The following TRIM58 variants were observed in gnomAD, a reference collection of about 807,000 sequenced individuals.
TRIM58 encodes the protein E3 ubiquitin-protein ligase TRIM58.
TRIM58 carries 38 observed loss-of-function variants against 34.1 expected under a neutral mutation model. The observed-to-expected ratio is 1.12, with a 90% CI of 0.86 to 1.46. The LOEUF (loss-of-function observed/expected upper bound fraction) is 1.46, where lower values mean the gene tolerates loss of function less well. Ranked by LOEUF, TRIM58 falls within the 40% of genes most tolerant of loss-of-function variation. TRIM58 has a pLI of 0.00. For synonymous variants in TRIM58, 273 were observed against 275.7 expected, an observed-to-expected ratio of 0.99 and a Z score of 0.10; for missense variants, 677 against 642.0, an observed-to-expected ratio of 1.05 and a Z score of -0.59.
At position 247,864,135 on chromosome 1, in the gene TRIM58, T is replaced by C. The variant is rs560007158; in HGVS notation, c.517-570T>C. ...AATAGATATTTAGCTGTAATCCACA[T>C]ACTCCTCTTTTTCCCCACATTTTTT... On this transcript the variant is annotated intron_variant, in intron 2 of 5. Transcript: ENST00000366481. Among the ~76,000 whole-genome samples the C allele has an allele frequency of 2.0e-5, 3 of 152,230 alleles. No individual in the cohort carries two copies. In the South Asian group the frequency reaches 6.2e-4, roughly 32 times the overall value.
chr1:247,875,433 C>T (rs1659260014), intron 5 of TRIM58, among the ~76,000 whole-genome samples: 4 of 152,146 alleles, frequency 2.6e-5, no homozygotes, highest in South Asian at 4.2e-4. Flanking sequence ...GAGGCAGACA[C>T]GGGAGGATTG....
Position 247,857,235 on chromosome 1 carries a change from G to A in TRIM58, c.-12G>A, listed in dbSNP as rs1205831285. 1 of 1,312,358 alleles carries A rather than the reference G, an allele frequency of 7.6e-7. No homozygotes were observed. Among genetic ancestry groups the A allele is most frequent in the Non-Finnish European group, 9.8e-7 (1 of 1,024,240 alleles). 81.3% of individuals were successfully genotyped at this position (1,312,358 alleles called of 1,614,324 possible). ...CGGGCGGCCGGGAGCGCAGCCCTCCGGGAGGCGGGTCATGGCCTGGGCGCC... is the reference window on the plus strand; with the variant it reads ...CGGGCGGCCGGGAGCGCAGCCCTCCAGGAGGCGGGTCATGGCCTGGGCGCC... On this transcript the variant is annotated 5_prime_UTR_variant, in exon 1 of 6. Transcript: ENST00000366481.
chr1:247,859,823 G>C (rs1663740756), intron 1 of TRIM58, among the ~76,000 whole-genome samples: 1 of 151,716 alleles, frequency 6.6e-6, no homozygotes, highest in Non-Finnish European at 1.5e-5. Flanking sequence ...GTTATATAGA[G>C]AAATATATGA....
In TRIM58 at chr1:247,878,414, T is replaced by C. The variant is rs1429254926; in HGVS notation, c.*1925T>C. On this transcript the variant is annotated 3_prime_UTR_variant, in exon 6 of 6. Transcript: ENST00000366481. ...TTACCTTCCAATCATATTACTAACGTAGCCTTCTTCCTAGATTTTTTAATT... is the reference window on the plus strand; with the variant it reads ...TTACCTTCCAATCATATTACTAACGCAGCCTTCTTCCTAGATTTTTTAATT... Among the ~76,000 whole-genome samples, 1 of 152,234 alleles carries C rather than the reference T, an allele frequency of 6.6e-6. No homozygotes were observed. Among genetic ancestry groups the C allele is most frequent in the Non-Finnish European group, 1.5e-5 (1 of 68,046 alleles).
chr1:247,866,836 T>TCCTTTC (rs546398792), intron 3 of TRIM58, among the ~76,000 whole-genome samples: 139 of 152,288 alleles, frequency 9.1e-4, no homozygotes, highest in African/African-American at 3.0e-3. Context: ...TTTTATACTT[T>TCCTTTC]CCTTTCCCTT....
rs1004150284 is a variant in TRIM58 at position 247,857,453 on chromosome 1, T to C, written c.207T>C (p.Phe69=). 2 of 1,408,176 alleles carry C rather than the reference T, an allele frequency of 1.4e-6. No individual in the cohort carries two copies. The highest frequency in any genetic ancestry group is 1.9e-6 in the Non-Finnish European group (2 of 1,074,018). The allele number at this position is 1,408,176 out of a possible 1,614,324, so 87.2% of individuals were successfully genotyped here. Residue 69 remains phenylalanine (F), a synonymous_variant, in exon 1 of 6, where the codon TTT becomes TTC. Coordinates refer to ENST00000366481, the MANE Select transcript of TRIM58 (RefSeq NM_015431.4). ...QCRGPFRPSG[F]RPNRQLAGLV... is the part of the protein sequence containing the mutation. ...GGGGCCCCTTCCGGCCCTCGGGCTT[T>C]CGCCCCAACCGGCAGCTGGCGGGCC...
At chr1:247,860,738 G>A (rs768915180) in intron 2 of TRIM58, 26 bp downstream of exon 2, 2 of 1,559,358 alleles carry the variant, frequency 1.3e-6, no homozygotes, top group African/African-American at 1.4e-5. Context: ...GGCTTTAGGA[G>A]GCTTGCCTGT....
Position 247,876,278 on chromosome 1 carries a change from A to C in TRIM58, c.1250A>C (p.Tyr417Ser). The C allele has an allele frequency of 6.2e-7, 1 of 1,614,200 alleles. No individual in the cohort carries two copies. The highest frequency in any genetic ancestry group is 1.3e-5 in the African/African-American group (1 of 75,044). Residue 417 changes from tyrosine to serine, a missense_variant, in exon 6 of 6, where the codon TAT (tyrosine) becomes TCT (serine). Physicochemically the swap from Tyr to Ser is moderately radical, Grantham distance 144. Transcript: ENST00000366481. Reference sequence around the variant, plus strand: ...CGCTGCATTGGGATTTTCTTGGACTATGAAGCCGGTGAAATTTCATTCTAC... The same window carrying C: ...CGCTGCATTGGGATTTTCTTGGACTCTGAAGCCGGTGAAATTTCATTCTAC... ...SPRCIGIFLD[Y>S]EAGEISFYNV...
intron 5 of TRIM58, among the ~76,000 whole-genome samples, chr1:247,871,695 A>G (rs886603593): frequency 2.0e-5 from 3 of 152,186 alleles, no homozygotes; most frequent in Non-Finnish European, 4.4e-5. Context: ...ATGGAATGAA[A>G]TCATTCAAAA....
chr1:247,873,484 T>G (rs566351235), intron 5 of TRIM58, among the ~76,000 whole-genome samples: 1 of 152,324 alleles, frequency 6.6e-6, no homozygotes, highest in South Asian at 2.1e-4. Flanking sequence ...TTGTGTTAAA[T>G]GCACAATCCA....
In TRIM58 at chr1:247,864,831, CT is replaced by C. The variant is rs745706169; in HGVS notation, c.644del (p.Leu215ArgfsTer15). ...EAEERATLQRLRESKSRLVQQ... is the reference protein window; with the variant it reads ...EAEERATLQRXRESKSRLVQQ... ...GGAGGAGCGAGCGACGCTGCAGAGA[CT>C]GCGGGAGAGCAAGAGCCGGCTGGTC... On this transcript the variant is annotated frameshift_variant, in exon 3 of 6. Coordinates refer to ENST00000366481, the MANE Select transcript of TRIM58 (RefSeq NM_015431.4). LOFTEE classifies it high-confidence loss of function. The C allele has an allele frequency of 1.1e-5, 18 of 1,613,586 alleles. No homozygotes were observed. In the East Asian group the frequency reaches 4.0e-4, roughly 36 times the overall value.
chr1:247,865,303 A>G (rs1663894963), intron 3 of TRIM58, among the ~76,000 whole-genome samples: 1 of 152,210 alleles, frequency 6.6e-6, no homozygotes, highest in South Asian at 2.1e-4. Flanking sequence ...TTTAAGGACT[A>G]AAGAATTCTT....
At chr1:247,873,230 T>TA (rs1297996148) in intron 5 of TRIM58, among the ~76,000 whole-genome samples, 2 of 151,718 alleles carry the variant, frequency 1.3e-5, no homozygotes, top group South Asian at 2.1e-4. Context: ...AACTCCATCT[T>TA]AAAAAAAAGA....
chr1:247,857,519 CG>C lies in TRIM58; in HGVS notation c.277del (p.Ala93ArgfsTer11). On this transcript the variant is annotated frameshift_variant, in exon 1 of 6. Transcript: ENST00000366481. LOFTEE classifies it high-confidence loss of function. ...VRRLGLGAGP[G>X]ARRCARHGED... ...GGCGGCTGGGGTTGGGCGCGGGGCC[CG>C]GGGCGCGGCGATGCGCGCGGCACGG... 1 of 1,283,452 alleles carries C rather than the reference CG, an allele frequency of 7.8e-7. No individual in the cohort carries two copies. Among genetic ancestry groups the C allele is most frequent in the South Asian group, 2.8e-5 (1 of 36,078 alleles). The allele number at this position is 1,283,452 out of a possible 1,614,324, so 79.5% of individuals were successfully genotyped here.
chr1:247,858,885 G>A (rs905948216), intron 1 of TRIM58, among the ~76,000 whole-genome samples: 1 of 148,492 alleles, frequency 6.7e-6, no homozygotes, highest in Non-Finnish European at 1.5e-5. Flanking sequence ...TCCTGCCTCA[G>A]CCTCCCGGGT....
Position 247,876,422 on chromosome 1 carries a change from G to A in TRIM58, c.1394G>A (p.Gly465Glu). Residue 465 changes from glycine (G) to glutamate (E), a missense_variant, in exon 6 of 6, where the codon GGG (glycine) becomes GAG (glutamate). Transcript: ENST00000366481. ...PLILPPTTIAGSGNWASRDHL... is the reference protein window; with the variant it reads ...PLILPPTTIAESGNWASRDHL... ...ATCTTGCCACCCACAACAATAGCAG[G>A]GTCAGGAAATTGGGCATCCAGGGAT... is the stretch of plus-strand genomic sequence containing the variant. 6.2e-7 allele frequency: 1 copy of A among 1,614,112 alleles called. No individual in the cohort carries two copies. The highest frequency in any genetic ancestry group is 8.5e-7 in the Non-Finnish European group (1 of 1,180,018).
At position 247,875,972 on chromosome 1, in the gene TRIM58, A is replaced by T; in HGVS notation, c.944A>T (p.Asp315Val). ...ACCGCCGACCTGCGCAGTGTGCAGGATGGAGAACCATGGAGGGATGTCCCC... is the reference window on the plus strand; with the variant it reads ...ACCGCCGACCTGCGCAGTGTGCAGGTTGGAGAACCATGGAGGGATGTCCCC... Reference protein sequence around the residue: ...LLTADLRSVQDGEPWRDVPNN... With the variant: ...LLTADLRSVQVGEPWRDVPNN... Residue 315 changes from aspartate to valine, a missense_variant, in exon 6 of 6, where the codon GAT becomes GTT. Asp to Val is a radical substitution (Grantham distance 152). Transcript: ENST00000366481. 6.2e-7 allele frequency: 1 copy of T among 1,614,172 alleles called. No homozygotes were observed. The highest frequency in any genetic ancestry group is 8.5e-7 in the Non-Finnish European group (1 of 1,180,036).
intron 2 of TRIM58, among the ~76,000 whole-genome samples, chr1:247,864,462 C>T (rs559099259): frequency 6.4e-4 from 98 of 152,246 alleles, no homozygotes; most frequent in African/African-American, 2.2e-3. Context: ...AGTGCCTTGC[C>T]CCCAAGCCTG....
At chr1:247,875,875 C>G (rs368885390) in intron 5 of TRIM58, 25 bp from the exon 6 acceptor site, 318 of 1,578,822 alleles carry the variant, frequency 2.0e-4, no homozygotes, top group Non-Finnish European at 2.6e-4. Flanking sequence ...TTCCTTTCAC[C>G]TGGTCCACCA....
Sources: gnomAD v4.1 joint callset for allele counts (sites outside exome capture counted in the v4.1 genomes callset) on GRCh38, gnomAD v4.1.1 for gene constraint, MANE v1.5 for transcripts, NCBI Gene and HGNC (gene_info 2026-07-23, HGNC 2026-07-21) for gene names.